Variants in PPP6C observed in about 807,000 individuals in gnomAD.
PPP6C encodes the protein protein phosphatase 6 catalytic subunit, also known as serine/threonine-protein phosphatase 6 catalytic subunit.
A neutral mutation model predicts 39.8 loss-of-function variants in PPP6C; 11 were observed. That is an observed-to-expected ratio of 0.28 (90% CI 0.17 to 0.46). The LOEUF (loss-of-function observed/expected upper bound fraction) is 0.46, where lower values mean the gene tolerates loss of function less well. Among genes scored for constraint, PPP6C ranks in the 20% least tolerant of loss-of-function variants. The pLI is 1.00. For missense variants in PPP6C, 211 were observed against 373.9 expected (o/e 0.56, Z 3.59); for synonymous variants, 129 against 130.3 (o/e 0.99, Z 0.07).
intron 1 of PPP6C, chr9:125,188,821 T>TAATA (rs1564161520): frequency 1.6e-5 from 5 of 305,630 alleles, no homozygotes; most frequent in African/African-American, 3.6e-5. Context: ...TAATAATAAT[T>TAATA]AAAAAGTTTT....
chr9:125,166,616 T>C lies in PPP6C; in HGVS notation c.171+4469A>G, dbSNP rs574024375. 3.4e-5 allele frequency among the ~76,000 whole-genome samples: 5 copies of C among 148,558 alleles called. No individual in the cohort carries two copies. In the South Asian group the frequency reaches 6.6e-4, roughly 19 times the overall value. On this transcript the variant is annotated intron_variant, in intron 2 of 6. Transcript: ENST00000373547. ...GGTGAGATCTCAGCTTACTGCAACA[T>C]CCGCCTCCCAGGTTCAAGTAATTTT...
intron 3 of PPP6C, 126 bp from the exon 4 acceptor site, chr9:125,158,508 A>C: frequency 1.0e-6 from 1 of 979,618 alleles, no homozygotes; most frequent in Non-Finnish European, 1.4e-6. Context: ...ATTATTTGGA[A>C]ATTTGATTTT....
chr9:125,179,394 ATTGTTTTGAT>A (rs912578354), intron 1 of PPP6C, among the ~76,000 whole-genome samples: 1 of 152,046 alleles, frequency 6.6e-6, no homozygotes, highest in African/African-American at 2.4e-5. Flanking sequence ...TCAAGAGCAG[ATTGTTTTGAT>A]TTGTTTAGGT....
At chr9:125,176,016 G>A (rs1021886834) in intron 1 of PPP6C, among the ~76,000 whole-genome samples, 1 of 152,158 alleles carries the variant, frequency 6.6e-6, no homozygotes, top group Admixed American at 6.6e-5. Context: ...ATGGGGTGCT[G>A]GGGTGGAGAG....
At chr9:125,172,973 T>C (rs908107418) in intron 1 of PPP6C, among the ~76,000 whole-genome samples, 1 of 152,086 alleles carries the variant, frequency 6.6e-6, no homozygotes, top group African/African-American at 2.4e-5. Flanking sequence ...ATTATAAAAT[T>C]CAAATCTAAA....
At chr9:125,162,714 T>C (rs1393631089) in intron 2 of PPP6C, among the ~76,000 whole-genome samples, 1 of 147,246 alleles carries the variant, frequency 6.8e-6, no homozygotes, top group East Asian at 2.0e-4. Context: ...AGGTGGAGGA[T>C]GCAGTAAGCC....
At chr9:125,157,999 A>G (rs773011066) in intron 4 of PPP6C, among the ~76,000 whole-genome samples, 34 of 151,930 alleles carry the variant, frequency 2.2e-4, no homozygotes, top group South Asian at 8.3e-4. Context: ...GGCAATCTAC[A>G]TTTTTAATGA....
intron 1 of PPP6C, among the ~76,000 whole-genome samples, chr9:125,189,326 G>A (rs1192159477): frequency 2.0e-5 from 3 of 152,260 alleles, no homozygotes; most frequent in Non-Finnish European, 2.9e-5. Flanking sequence ...GAGACCCAGG[G>A]ATGGGGTGGG....
rs185789526 is a variant in PPP6C, at chr9:125,177,243, G to A, written c.76-6063C>T. On this transcript the variant is annotated intron_variant, in intron 1 of 6. Transcript: ENST00000373547. The stretch of plus-strand genomic sequence containing the variant: ...CAAAAAATTAGCCGGGCGTGGTGGC[G>A]GGCGCCTGTAGTCTCAGCTACTTGA... Among the ~76,000 whole-genome samples, 769 of 152,128 alleles carry A rather than the reference G, an allele frequency of 5.1e-3. 10 individuals are homozygous for A. Among genetic ancestry groups the A allele is most frequent in the South Asian group, 0.031 (148 of 4,816 alleles).
chr9:125,159,594 C>T (rs1312052344), intron 3 of PPP6C, among the ~76,000 whole-genome samples: 1 of 152,044 alleles, frequency 6.6e-6, no homozygotes, highest in African/African-American at 2.4e-5. Flanking sequence ...AAGCAAATAC[C>T]ATAATTATAA....
chr9:125,158,656 TTTTTTTTTC>T (rs1394553080), intron 3 of PPP6C, among the ~76,000 whole-genome samples: 12 of 151,050 alleles, frequency 7.9e-5, no homozygotes, highest in East Asian at 3.9e-4. Flanking sequence ...AAAACCACCA[TTTTTTTTTC>T]TTTTTTTTCT....
rs1588268640 is a variant in PPP6C, at chr9:125,148,654, A to T, written c.*1019T>A. ...CAAGTGTTACAGCAAGAGAAGAATG[A>T]TTCCTATTGAAAAGCACATAGATTT... On this transcript the variant is annotated 3_prime_UTR_variant, in exon 7 of 7. Coordinates refer to ENST00000373547, the MANE Select transcript of PPP6C (RefSeq NM_002721.5). The T allele has an allele frequency of 6.6e-6, 1 of 152,368 alleles. No homozygotes were observed. The highest frequency in any genetic ancestry group is 1.9e-4 in the East Asian group (1 of 5,192). The allele number at this position is 152,368 out of a possible 1,614,324, so 9.4% of individuals were successfully genotyped here.
intron 3 of PPP6C, among the ~76,000 whole-genome samples, chr9:125,160,028 A>G (rs1353038908): frequency 2.6e-5 from 4 of 152,206 alleles, no homozygotes; most frequent in Admixed American, 2.6e-4. Flanking sequence ...CAAAAAAAAA[A>G]AATAAGAAAG....
At chr9:125,167,808 C>A (rs1829055577) in intron 2 of PPP6C, among the ~76,000 whole-genome samples, 1 of 117,040 alleles carries the variant, frequency 8.5e-6, no homozygotes, top group Admixed American at 1.1e-4. Context: ...AGGTGGATCA[C>A]CTGAGGTCAG....
chr9:125,174,043 A>T (rs1370664536), intron 1 of PPP6C, among the ~76,000 whole-genome samples: 1 of 152,222 alleles, frequency 6.6e-6, no homozygotes, highest in Non-Finnish European at 1.5e-5. Context: ...TGGAAAAGGA[A>T]GTATACATCC....
intron 1 of PPP6C, among the ~76,000 whole-genome samples, chr9:125,182,336 T>TAGCTTTAAAAAAAAAGATCTCACAC: frequency 6.6e-6 from 1 of 152,134 alleles, no homozygotes; most frequent in Non-Finnish European, 1.5e-5. Context: ...AAAACACTCT[T>TAGCTTTAAAAAAAAAGATCTCACAC]AGCTTTAAAA....
intron 6 of PPP6C, chr9:125,150,672 G>T: frequency 1.0e-6 from 1 of 968,790 alleles, no homozygotes; most frequent in South Asian, 1.2e-5. Context: ...AATCTTCAGC[G>T]GCAGCTCCCA....
intron 6 of PPP6C, 142 bp from the exon 7 acceptor site, chr9:125,150,063 T>A: frequency 8.5e-7 from 1 of 1,179,936 alleles, no homozygotes; most frequent in Non-Finnish European, 1.1e-6. Context: ...TCCAACAATT[T>A]AATAAGTTTA....
intron 1 of PPP6C, among the ~76,000 whole-genome samples, chr9:125,177,500 C>T (rs990999493): frequency 4.6e-5 from 7 of 152,070 alleles, no homozygotes; most frequent in Admixed American, 6.6e-5. Flanking sequence ...AGTTCAAGAC[C>T]GCCCTCAGCA....
Sources: gnomAD v4.1 joint callset for allele counts (sites outside exome capture counted in the v4.1 genomes callset) on GRCh38, gnomAD v4.1.1 for gene constraint, MANE v1.5 for transcripts, NCBI Gene and HGNC (gene_info 2026-07-23, HGNC 2026-07-21) for gene names.